Variants in ME3 observed in about 807,000 individuals in gnomAD.
ME3 encodes the protein NADP-dependent malic enzyme, mitochondrial.
Under a neutral mutation model 68.9 loss-of-function variants are expected in ME3, and 48 were observed. That is an observed-to-expected ratio of 0.70 (90% CI 0.55 to 0.89). The LOEUF is 0.89. Among genes scored for constraint, ME3 ranks in the 40% least tolerant of loss-of-function variants. ME3 has a pLI of 0.00. For synonymous variants in ME3, 320 were observed against 318.8 expected, an observed-to-expected ratio of 1.00 and a Z score of -0.04; for missense variants, 675 against 797.4, an observed-to-expected ratio of 0.85 and a Z score of 1.85.
chr11:86,529,138 G>C (rs1449048784), intron 4 of ME3, among the ~76,000 whole-genome samples: 1 of 151,924 alleles, frequency 6.6e-6, no homozygotes, highest in African/African-American at 2.4e-5. Context: ...AAAGAGAGAA[G>C]AATCAAATAG....
At chr11:86,595,314 G>GAA (rs1565186244) in intron 2 of ME3, among the ~76,000 whole-genome samples, 2 of 133,658 alleles carry the variant, frequency 1.5e-5, no homozygotes, top group Non-Finnish European at 3.2e-5. Flanking sequence ...TATAGAGAGA[G>GAA]AGAGAGAGAG....
intron 2 of ME3, among the ~76,000 whole-genome samples, chr11:86,644,410 T>C (rs1352585272): frequency 6.6e-6 from 1 of 152,170 alleles, no homozygotes; most frequent in Non-Finnish European, 1.5e-5. Flanking sequence ...TTACAGAGGA[T>C]GAAACCCAGC....
intron 2 of ME3, among the ~76,000 whole-genome samples, chr11:86,588,776 A>C (rs751676169): frequency 5.9e-5 from 9 of 152,182 alleles, no homozygotes; most frequent in African/African-American, 2.2e-4. Flanking sequence ...CTAGTGAAAG[A>C]AAGCCTGGGT....
chr11:86,614,858 T>G (rs961917987), intron 2 of ME3, among the ~76,000 whole-genome samples: 2 of 152,190 alleles, frequency 1.3e-5, no homozygotes, highest in Middle Eastern at 3.2e-3. Context: ...TTGTATTGCA[T>G]ATTAAGAGCT....
chr11:86,667,949 G>A (rs1317690118), intron 2 of ME3: 1 of 151,940 alleles, frequency 6.6e-6, no homozygotes, highest in Non-Finnish European at 1.5e-5. Context: ...CAATAGAAGA[G>A]GTCATTACAT....
chr11:86,669,347 G>T (rs1946773159), intron 2 of ME3, among the ~76,000 whole-genome samples: 1 of 152,204 alleles, frequency 6.6e-6, no homozygotes, highest in African/African-American at 2.4e-5. Flanking sequence ...TAGATTTATG[G>T]ATAACACCTG....
At chr11:86,579,505 G>A (rs1048651940) in intron 2 of ME3, among the ~76,000 whole-genome samples, 2 of 152,168 alleles carry the variant, frequency 1.3e-5, no homozygotes, top group Admixed American at 6.5e-5. Context: ...TGAGTGTCAT[G>A]TGTCTAGCTA....
intron 4 of ME3, among the ~76,000 whole-genome samples, chr11:86,521,634 C>G (rs1366771265): frequency 1.3e-5 from 2 of 152,136 alleles, no homozygotes; most frequent in Admixed American, 1.3e-4. Flanking sequence ...GAATTTCATG[C>G]TATGGTTCAT....
intron 10 of ME3, among the ~76,000 whole-genome samples, chr11:86,448,631 G>A (rs1390768343): frequency 6.6e-6 from 1 of 152,118 alleles, no homozygotes; most frequent in African/African-American, 2.4e-5. Flanking sequence ...TTGAGGGATG[G>A]GGACCTGTGC....
intron 4 of ME3, among the ~76,000 whole-genome samples, chr11:86,520,137 C>G (rs1432073635): frequency 6.6e-6 from 1 of 152,166 alleles, no homozygotes; most frequent in Non-Finnish European, 1.5e-5. Flanking sequence ...CCCTCCCAGC[C>G]CCATGGAGGC....
chr11:86,473,960 G>A (rs1950919925), intron 7 of ME3, among the ~76,000 whole-genome samples: 1 of 152,342 alleles, frequency 6.6e-6, no homozygotes, highest in South Asian at 2.1e-4. Context: ...GAAGTCAGAA[G>A]GACACAGATT....
intron 2 of ME3, among the ~76,000 whole-genome samples, chr11:86,652,166 C>G (rs1169920105): frequency 6.6e-6 from 1 of 152,206 alleles, no homozygotes; most frequent in African/African-American, 2.4e-5. Context: ...TTGGAAAACA[C>G]TCTGCAGGAT....
intron 2 of ME3, among the ~76,000 whole-genome samples, chr11:86,571,567 T>C (rs1214753254): frequency 2.0e-5 from 3 of 152,256 alleles, no homozygotes; most frequent in Non-Finnish European, 4.4e-5. Flanking sequence ...ATTTTGTATT[T>C]TCCTTTAATT....
intron 2 of ME3, 107 bp downstream of exon 2, chr11:86,671,655 G>T: frequency 1.4e-6 from 2 of 1,413,038 alleles, no homozygotes; most frequent in South Asian, 1.3e-5. Flanking sequence ...CAGAAAAACC[G>T]CTGGAAGGGC....
chr11:86,508,191 C>A (rs1953226590), intron 5 of ME3, among the ~76,000 whole-genome samples: 1 of 152,052 alleles, frequency 6.6e-6, no homozygotes, highest in African/African-American at 2.4e-5. Flanking sequence ...TATTGTCCAT[C>A]ATAGGCTTTT....
At chr11:86,526,729 C>T (rs922811131) in intron 4 of ME3, among the ~76,000 whole-genome samples, 1 of 152,226 alleles carries the variant, frequency 6.6e-6, no homozygotes, top group Non-Finnish European at 1.5e-5. Flanking sequence ...TGTTCTGCAG[C>T]CTCTGCTGCT....
chr11:86,440,391 C>T (rs143053389), downstream of ME3, among the ~76,000 whole-genome samples: 2 of 152,260 alleles, frequency 1.3e-5, no homozygotes, highest in East Asian at 3.9e-4. Context: ...TGATATTACT[C>T]ACTAAGAAAA....
At chr11:86,636,953 G>A (rs1385863896) in intron 2 of ME3, among the ~76,000 whole-genome samples, 2 of 152,198 alleles carry the variant, frequency 1.3e-5, no homozygotes, top group South Asian at 4.1e-4. Flanking sequence ...GGCCAGAGGA[G>A]TAGAATTACA....
intron 8 of ME3, among the ~76,000 whole-genome samples, chr11:86,452,554 G>A (rs1949692096): frequency 2.0e-5 from 3 of 152,194 alleles, no homozygotes; most frequent in Admixed American, 2.0e-4. Flanking sequence ...AGCCACCTGA[G>A]GTCCTGTCTG....
Sources: allele counts gnomAD v4.1 joint callset (sites outside exome capture counted in the v4.1 genomes callset), GRCh38; gene constraint gnomAD v4.1.1; transcripts MANE v1.5; gene names NCBI Gene and HGNC (gene_info 2026-07-23, HGNC 2026-07-21).